The following DMD variants were observed in gnomAD, a reference collection of about 807,000 sequenced individuals.
DMD encodes dystrophin.
DMD carries 63 observed loss-of-function variants against 330.1 expected under a neutral mutation model. That is an observed-to-expected ratio of 0.19 (90% CI 0.16 to 0.24). The LOEUF (loss-of-function observed/expected upper bound fraction) is 0.24. DMD is among the 10% of genes least tolerant of loss of function. The probability of loss-of-function intolerance (pLI) is 1.00; values close to 1 mark genes in which losing one functional copy is unlikely to be tolerated. For synonymous variants in DMD, 1,223 were observed against 959.8 expected (o/e 1.27, Z -5.07); for missense variants, 3,344 against 2,684.1 (o/e 1.25, Z -5.43).
rs748906545 is a variant in DMD at position 31,408,405 on chromosome X, C to CT, written c.9084+36075dup. ...GAGAAATAACTTATTTTTCTTTAAA[C>CT]TTTTTTTTTTTTTAATTTGAGACAG... is the stretch of plus-strand genomic sequence containing the variant. On this transcript the variant is annotated intron_variant, in intron 60 of 78. Transcript: ENST00000357033. 1.1e-3 allele frequency among the ~76,000 whole-genome samples: 118 copies of CT among 105,378 alleles called. No individual in the cohort carries two copies. The East Asian group carries it at 0.012, about 11-fold the overall frequency. 91.5% of individuals were successfully genotyped at this position (105,378 alleles called of 115,157 possible).
chrX:32,207,807 C>A (rs1299876174), intron 44 of DMD, among the ~76,000 whole-genome samples: 1 of 111,635 alleles, frequency 9.0e-6, no homozygotes, highest in Admixed American at 9.6e-5. Flanking sequence ...TTAACAATTG[C>A]ATTGTTTTAA....
At chrX:32,524,090 G>C (rs60999406) in intron 17 of DMD, among the ~76,000 whole-genome samples, 2,569 of 108,800 alleles carry the variant, frequency 0.024, 47 homozygotes, top group Admixed American at 0.072. Context: ...CCGCCACCAC[G>C]CCCGGCTAAT....
chrX:32,505,651 C>A (rs141884393), intron 18 of DMD, among the ~76,000 whole-genome samples: 1,142 of 112,127 alleles, frequency 0.01, 17 homozygotes, highest in African/African-American at 0.029. Flanking sequence ...AGCAATCATG[C>A]ACTTAGGCAT....
At chrX:31,688,303 C>T (rs2082838051) in intron 52 of DMD, among the ~76,000 whole-genome samples, 1 of 110,457 alleles carries the variant, frequency 9.1e-6, no homozygotes, top group African/African-American at 3.3e-5. Flanking sequence ...ACCGACACCA[C>T]AGAAATACAA....
At chrX:32,504,762 G>A (rs1373387890) in intron 18 of DMD, among the ~76,000 whole-genome samples, 1 of 111,484 alleles carries the variant, frequency 9.0e-6, no homozygotes, top group African/African-American at 3.3e-5. Context: ...TACTAGAGTG[G>A]GGAGGGAGTG....
intron 74 of DMD, among the ~76,000 whole-genome samples, chrX:31,150,259 C>T (rs1032923257): frequency 8.9e-6 from 1 of 111,745 alleles, no homozygotes. Flanking sequence ...TGCACTGTTT[C>T]TAGGTAGTAT....
intron 17 of DMD, among the ~76,000 whole-genome samples, chrX:32,531,973 TTTA>T (rs761242859): frequency 8.1e-5 from 9 of 111,287 alleles, no homozygotes; most frequent in Non-Finnish European, 1.7e-4. Flanking sequence ...TATTTCCCAA[TTTA>T]TTATTACCTT....
chrX:32,205,929 C>A, intron 44 of DMD: 1 of 376,627 alleles, frequency 2.7e-6, no homozygotes, highest in Non-Finnish European at 4.9e-6. Context: ...TCTGAGGCCC[C>A]AAAACTATCT....
intron 7 of DMD, among the ~76,000 whole-genome samples, chrX:32,731,536 T>G (rs1437868963): frequency 8.9e-6 from 1 of 112,289 alleles, no homozygotes; most frequent in Non-Finnish European, 1.9e-5. Flanking sequence ...AAGAGAGCAG[T>G]GGTTCTCCCA....
intron 1 of DMD, among the ~76,000 whole-genome samples, chrX:33,307,024 A>G (rs1047067587): frequency 3.6e-5 from 4 of 111,873 alleles, no homozygotes; most frequent in Middle Eastern, 4.7e-3. Context: ...GTAAAATTAT[A>G]TCCTTTTAAT....
intron 64 of DMD, among the ~76,000 whole-genome samples, chrX:31,218,075 TG>T (rs1464327120): frequency 8.9e-6 from 1 of 111,959 alleles, no homozygotes; most frequent in East Asian, 2.8e-4. Flanking sequence ...AATTATAAGT[TG>T]AAATGACAGA....
intron 42 of DMD, among the ~76,000 whole-genome samples, chrX:32,299,235 CTCTT>C (rs1434818954): frequency 9.1e-6 from 1 of 110,306 alleles, no homozygotes; most frequent in Non-Finnish European, 1.9e-5. Flanking sequence ...ATTGTTTTAT[CTCTT>C]TATTTTTCCT....
chrX:31,718,124 G>T lies in DMD; in HGVS notation c.7660+11507C>A, dbSNP rs1360743016. On this transcript the variant is annotated intron_variant, in intron 52 of 78. Coordinates refer to ENST00000357033, the MANE Select transcript of DMD (RefSeq NM_004006.3). ...AAATAGAAAATTCTGTATACATTTT[G>T]CTTTATCTTAATATTGAAAGAAAAT... 2.7e-5 allele frequency among the ~76,000 whole-genome samples: 3 copies of T among 111,766 alleles called. No homozygotes were observed. In the Admixed American group the frequency reaches 2.8e-4, roughly 11 times the overall value.
At chrX:31,500,843 T>C (rs904091121) in intron 56 of DMD, among the ~76,000 whole-genome samples, 1 of 112,034 alleles carries the variant, frequency 8.9e-6, no homozygotes, top group Non-Finnish European at 1.9e-5. Flanking sequence ...ATATGGGAAA[T>C]AGAAATTACA....
intron 51 of DMD, among the ~76,000 whole-genome samples, chrX:31,772,847 A>C (rs1038515891): frequency 9.0e-6 from 1 of 111,439 alleles, no homozygotes; most frequent in African/African-American, 3.3e-5. Flanking sequence ...ATTTATATAC[A>C]TCCATATCCA....
chrX:32,803,451 G>A (rs774035128), intron 7 of DMD, among the ~76,000 whole-genome samples: 5 of 105,455 alleles, frequency 4.7e-5, no homozygotes, highest in Admixed American at 1.0e-4. Flanking sequence ...AGGGTTTTTC[G>A]TGTCTCTATC....
intron 67 of DMD, among the ~76,000 whole-genome samples, chrX:31,198,053 T>C: frequency 1.1e-5 from 1 of 88,271 alleles, no homozygotes; most frequent in African/African-American, 4.1e-5. Flanking sequence ...AAAATTGAAC[T>C]CATGGAGATA....
chrX:31,161,015 T>C (rs1036790703), intron 74 of DMD, among the ~76,000 whole-genome samples: 1 of 111,706 alleles, frequency 9.0e-6, no homozygotes, highest in Admixed American at 9.5e-5. Flanking sequence ...TCCTTAATAC[T>C]CTGTGCCACG....
intron 17 of DMD, among the ~76,000 whole-genome samples, chrX:32,529,672 C>T (rs112794288): frequency 6.0e-4 from 67 of 111,012 alleles, no homozygotes; most frequent in Admixed American, 5.0e-3. Context: ...GATACAAAAA[C>T]TGAGATCAGC....
Sources: gnomAD v4.1 joint callset for allele counts (sites outside exome capture counted in the v4.1 genomes callset) on GRCh38, gnomAD v4.1.1 for gene constraint, MANE v1.5 for transcripts, NCBI Gene and HGNC (gene_info 2026-07-23, HGNC 2026-07-21) for gene names.